Variants in SUMF1 observed in about 807,000 individuals in gnomAD.
SUMF1 encodes sulfatase modifying factor 1, also known as formylglycine-generating enzyme.
A neutral mutation model predicts 47.6 loss-of-function variants in SUMF1; 48 were observed. That is an observed-to-expected ratio of 1.01 (90% confidence interval 0.80 to 1.28). SUMF1 has a LOEUF of 1.28. Among genes scored for constraint, SUMF1 ranks in the 50% most tolerant of loss-of-function variants. The pLI is 0.00. For synonymous variants in SUMF1, 230 were observed against 192.1 expected (o/e 1.20, Z -1.63); for missense variants, 571 against 485.4 (o/e 1.18, Z -1.66).
intron 3 of SUMF1, among the ~76,000 whole-genome samples, chr3:4,422,728 C>T (rs1701941448): frequency 6.6e-6 from 1 of 151,788 alleles, no homozygotes; most frequent in Non-Finnish European, 1.5e-5. Context: ...AAGCCTTAAA[C>T]AGGAGAAGGC....
intron 8 of SUMF1, among the ~76,000 whole-genome samples, chr3:4,098,890 A>G (rs1220922773): frequency 6.6e-6 from 1 of 152,158 alleles, no homozygotes; most frequent in African/African-American, 2.4e-5. Context: ...GCAATTTTTA[A>G]ATATGCCAAT....
chr3:4,096,877 A>C (rs1054703550), intron 8 of SUMF1, among the ~76,000 whole-genome samples: 2 of 152,114 alleles, frequency 1.3e-5, no homozygotes, highest in African/African-American at 2.4e-5. Context: ...GCAGGAGAAC[A>C]GGCTCAGTGT....
intron 8 of SUMF1, among the ~76,000 whole-genome samples, chr3:4,257,540 A>T (rs1234424265): frequency 6.6e-6 from 1 of 151,508 alleles, no homozygotes; most frequent in Non-Finnish European, 1.5e-5. Flanking sequence ...AATACCTAGG[A>T]ATCCAACTTA....
chr3:4,084,079 T>A (rs1168618331), intron 8 of SUMF1, among the ~76,000 whole-genome samples: 2 of 152,146 alleles, frequency 1.3e-5, no homozygotes, highest in East Asian at 3.8e-4. Context: ...TTTAAATAGA[T>A]ATAATTCAGA....
chr3:4,325,466 C>T (rs1270292868), intron 8 of SUMF1, among the ~76,000 whole-genome samples: 1 of 152,058 alleles, frequency 6.6e-6, no homozygotes, highest in African/African-American at 2.4e-5. Context: ...AAAACCAATT[C>T]AGCCTGTACT....
intron 1 of SUMF1, among the ~76,000 whole-genome samples, chr3:4,462,405 C>A (rs1458731691): frequency 6.6e-6 from 1 of 152,170 alleles, no homozygotes; most frequent in Admixed American, 6.5e-5. Context: ...CAAGAGATAG[C>A]CAAAGAGAAA....
chr3:4,459,996 A>G (rs1006687285), intron 1 of SUMF1, among the ~76,000 whole-genome samples: 3 of 152,240 alleles, frequency 2.0e-5, no homozygotes, highest in Non-Finnish European at 4.4e-5. Context: ...TGGGCCTTCA[A>G]TAAAATGGAA....
chr3:4,132,985 G>GA (rs961980230), intron 8 of SUMF1, among the ~76,000 whole-genome samples: 6 of 152,118 alleles, frequency 3.9e-5, no homozygotes, highest in Non-Finnish European at 5.9e-5. Context: ...ACTCCACCAG[G>GA]AAAAAAACCA....
chr3:4,276,760 G>A (rs1306726687), intron 8 of SUMF1, among the ~76,000 whole-genome samples: 1 of 152,262 alleles, frequency 6.6e-6, no homozygotes. Context: ...CTTTATGCCT[G>A]TAATGTATGT....
chr3:4,221,417 GTGTGTGT>G (rs1696061111), intron 8 of SUMF1, among the ~76,000 whole-genome samples: 13 of 12,906 alleles, frequency 1.0e-3, no homozygotes, highest in African/African-American at 3.3e-3. Flanking sequence ...TTTTTGGGGT[GTGTGTGT>G]GTGTGTGTGT....
chr3:4,223,117 A>T (rs181166972), intron 8 of SUMF1, among the ~76,000 whole-genome samples: 41 of 151,532 alleles, frequency 2.7e-4, no homozygotes, highest in East Asian at 1.6e-3. Context: ...ATACCTTTTT[A>T]AAAAAAAATA....
At chr3:4,235,881 GGTGGTTTCCATGGCA>G (rs1210434396) in intron 8 of SUMF1, among the ~76,000 whole-genome samples, 1 of 152,074 alleles carries the variant, frequency 6.6e-6, no homozygotes, top group Non-Finnish European at 1.5e-5. Context: ...TCGTCTCTGA[GGTGGTTTCCATGGCA>G]GTGATGAAGC....
At chr3:4,268,735 T>G (rs1376755968) in intron 8 of SUMF1, among the ~76,000 whole-genome samples, 1 of 152,058 alleles carries the variant, frequency 6.6e-6, no homozygotes, top group Non-Finnish European at 1.5e-5. Context: ...AGACTGAACT[T>G]GAACCCGTAT....
chr3:4,416,399 A>G (rs1701713457), intron 6 of SUMF1, among the ~76,000 whole-genome samples: 1 of 152,240 alleles, frequency 6.6e-6, no homozygotes, highest in Non-Finnish European at 1.5e-5. Context: ...TTTGTGGCAT[A>G]CTGCTAATGA....
intron 9 of SUMF1, among the ~76,000 whole-genome samples, chr3:4,068,005 A>G (rs1402417926): frequency 6.6e-6 from 1 of 152,172 alleles, no homozygotes; most frequent in Non-Finnish European, 1.5e-5. Context: ...CTGGAAGAGG[A>G]AGCTGAGGTT....
At chr3:4,048,028 A>C (rs1695036795) in intron 9 of SUMF1, among the ~76,000 whole-genome samples, 1 of 152,146 alleles carries the variant, frequency 6.6e-6, no homozygotes, top group African/African-American at 2.4e-5. Flanking sequence ...TCACAGAGCT[A>C]ATAATGATGG....
At chr3:4,124,639 A>T (rs1693615179) in intron 8 of SUMF1, among the ~76,000 whole-genome samples, 1 of 152,042 alleles carries the variant, frequency 6.6e-6, no homozygotes, top group Admixed American at 6.5e-5. Context: ...GGGCCCTAAA[A>T]ATAGTCTTCT....
chr3:4,323,782 C>T (rs918726517), intron 8 of SUMF1, among the ~76,000 whole-genome samples: 1 of 152,118 alleles, frequency 6.6e-6, no homozygotes, highest in Non-Finnish European at 1.5e-5. Context: ...TGGGTTGGGC[C>T]ATTACCACCA....
chr3:4,270,302 G>A (rs1697277786), intron 8 of SUMF1, among the ~76,000 whole-genome samples: 1 of 152,200 alleles, frequency 6.6e-6, no homozygotes, highest in African/African-American at 2.4e-5. Flanking sequence ...GTCTCCATCT[G>A]CAAGAAAACA....
Sources: gnomAD v4.1 joint callset for allele counts (sites outside exome capture counted in the v4.1 genomes callset) on GRCh38, gnomAD v4.1.1 for gene constraint, MANE v1.5 for transcripts, NCBI Gene and HGNC (gene_info 2026-07-23, HGNC 2026-07-21) for gene names.